Variants in SAR1A observed in about 807,000 individuals in gnomAD.
SAR1A encodes small COPII coat GTPase SAR1A.
Under a neutral mutation model 22.6 loss-of-function variants are expected in SAR1A, and 6 were observed. The ratio of observed to expected loss-of-function variants is 0.27; its 90% CI spans 0.15 to 0.52. The LOEUF (loss-of-function observed/expected upper bound fraction) is 0.52. Ranked by LOEUF, SAR1A falls within the 20% of genes least tolerant of loss-of-function variation. The pLI, the probability that SAR1A is intolerant of heterozygous loss-of-function variation, is 0.96. For synonymous variants in SAR1A, 70 were observed against 82.2 expected (o/e 0.85, Z 0.80); for missense variants, 145 against 245.1 (o/e 0.59, Z 2.73).
chr10:70,161,544 C>G (rs1344192871), intron 3 of SAR1A, 75 bp downstream of exon 3: 1 of 1,549,760 alleles, frequency 6.5e-7, no homozygotes, highest in South Asian at 1.2e-5. Context: ...AGAACTCCAC[C>G]AACTAGGGAT....
At position 70,147,568 on chromosome 10, in the gene SAR1A, A is replaced by T. The variant is rs904602582; in HGVS notation, c.*4908T>A. The T allele has an allele frequency of 3.9e-5, 6 of 152,242 alleles. No homozygotes were observed. Among genetic ancestry groups the T allele is most frequent in the African/African-American group, 1.2e-4 (5 of 41,464 alleles). 9.4% of individuals were successfully genotyped at this position (152,242 alleles called of 1,614,324 possible). ...TTCATACAATTTTTTGTGTCCAAAAATAGCATTCTTTAAATATTTTTTCCA... is the reference window on the plus strand; with the variant it reads ...TTCATACAATTTTTTGTGTCCAAAATTAGCATTCTTTAAATATTTTTTCCA... On this transcript the variant is annotated 3_prime_UTR_variant, in exon 7 of 7. Transcript: ENST00000373241.
chr10:70,148,711 G>A lies in SAR1A; in HGVS notation c.*3765C>T, dbSNP rs1354673544. ...AGGCTGAGATGGGAGGATCACTTAAGCCCAGGAGGTCAAGGCTGCAGTGAC... is the reference window on the plus strand; with the variant it reads ...AGGCTGAGATGGGAGGATCACTTAAACCCAGGAGGTCAAGGCTGCAGTGAC... On this transcript the variant is annotated 3_prime_UTR_variant, in exon 7 of 7. Coordinates refer to ENST00000373241, the MANE Select transcript of SAR1A (RefSeq NM_020150.5). The A allele has an allele frequency of 6.6e-6, 1 of 152,212 alleles. No homozygotes were observed. Among genetic ancestry groups the A allele is most frequent in the Non-Finnish European group, 1.5e-5 (1 of 68,150 alleles). 9.4% of individuals were successfully genotyped at this position (152,212 alleles called of 1,614,324 possible).
chr10:70,168,698 T>C (rs1029896870), intron 1 of SAR1A, among the ~76,000 whole-genome samples: 3 of 152,180 alleles, frequency 2.0e-5, no homozygotes, highest in African/African-American at 4.8e-5. Flanking sequence ...TATAGAAGTG[T>C]TGGGTTGTAA....
rs540269883 is a variant in SAR1A at position 70,150,437 on chromosome 10, A to G, written c.*2039T>C. 49 of 152,324 alleles carry G rather than the reference A, an allele frequency of 3.2e-4. No individual in the cohort carries two copies. Among genetic ancestry groups the G allele is most frequent in the African/African-American group, 1.1e-3 (47 of 41,580 alleles). The allele number at this position is 152,324 out of a possible 1,614,324, so 9.4% of individuals were successfully genotyped here. On this transcript the variant is annotated 3_prime_UTR_variant, in exon 7 of 7. Transcript: ENST00000373241. ...TAGTGTTCCGTGGGGCAAGAAATACATTGGTTCTAACTGATTTTCAATCCC... is the reference window on the plus strand; with the variant it reads ...TAGTGTTCCGTGGGGCAAGAAATACGTTGGTTCTAACTGATTTTCAATCCC...
rs1439228895 is a variant in SAR1A at position 70,170,413 on chromosome 10, GGCCTGAGGGGCTCCTCCGGCAAAACA to G, written c.-43_-18del. 2 of 149,624 alleles carry G rather than the reference GGCCTGAGGGGCTCCTCCGGCAAAACA, an allele frequency of 1.3e-5. No homozygotes were observed. Among genetic ancestry groups the G allele is most frequent in the East Asian group, 4.0e-4 (2 of 5,030 alleles). 9.3% of individuals were successfully genotyped at this position (149,624 alleles called of 1,614,324 possible). On this transcript the variant is annotated splice_region_variant and 5_prime_UTR_variant, in exon 1 of 7. Transcript: ENST00000373241. ...TCCCCGACGCGACCCTCAGACTCAC[GGCCTGAGGGGCTCCTCCGGCAAAACA>G]GCGGCTGGCTCGGACCCTCCCTCAG... is the stretch of plus-strand genomic sequence containing the variant.
chr10:70,163,703 G>C, intron 1 of SAR1A: 1 of 786,364 alleles, frequency 1.3e-6, no homozygotes, highest in South Asian at 1.4e-5. Context: ...CCAACTGACT[G>C]AGGAGCAGAT....
At chr10:70,169,354 C>G (rs924761588) in intron 1 of SAR1A, among the ~76,000 whole-genome samples, 1 of 151,984 alleles carries the variant, frequency 6.6e-6, no homozygotes, top group Non-Finnish European at 1.5e-5. Context: ...CTCATCACAT[C>G]TTTTGAATGG....
chr10:70,155,084 T>A (rs766621620), intron 5 of SAR1A: 4 of 527,400 alleles, frequency 7.6e-6, no homozygotes, highest in Non-Finnish European at 1.6e-5. Context: ...AAGAGATGAC[T>A]CACATTAGGG....
rs1375130500 is a variant in SAR1A, at chr10:70,147,954, C to T, written c.*4522G>A. The T allele has an allele frequency of 1.3e-5, 2 of 152,272 alleles. No homozygotes were observed. Among genetic ancestry groups the T allele is most frequent in the African/African-American group, 2.4e-5 (1 of 41,470 alleles). The allele number at this position is 152,272 out of a possible 1,614,324, so 9.4% of individuals were successfully genotyped here. ...AGTGCAATGGTGCGATCTCCGCTCA[C>T]TGCAAACTCCGCCTCCTGGGTTCAC... On this transcript the variant is annotated 3_prime_UTR_variant, in exon 7 of 7. Coordinates refer to ENST00000373241, the MANE Select transcript of SAR1A (RefSeq NM_020150.5).
At chr10:70,165,157 T>C (rs2136721504) in intron 1 of SAR1A, among the ~76,000 whole-genome samples, 1 of 146,286 alleles carries the variant, frequency 6.8e-6, no homozygotes, top group East Asian at 2.0e-4. Context: ...CCCAGCTACT[T>C]GGGAGGCTGA....
chr10:70,156,737 T>C lies in SAR1A; in HGVS notation c.348+1027A>G, dbSNP rs1261921703. 5.3e-5 allele frequency among the ~76,000 whole-genome samples: 8 copies of C among 149,876 alleles called. No individual in the cohort carries two copies. In the South Asian group the frequency reaches 6.3e-4, roughly 12 times the overall value. On this transcript the variant is annotated intron_variant, in intron 5 of 6. Transcript: ENST00000373241. ...GCAATTCTACATGAGGCTGGAGCTA[T>C]AGATGTGAGAAACATACTTAGAAAT...
In SAR1A at chr10:70,150,094, A is replaced by C. The variant is rs1038324489; in HGVS notation, c.*2382T>G. 5 of 151,694 alleles carry C rather than the reference A, an allele frequency of 3.3e-5. No homozygotes were observed. Among genetic ancestry groups the C allele is most frequent in the Admixed American group, 3.3e-4 (5 of 15,210 alleles). 9.4% of individuals were successfully genotyped at this position (151,694 alleles called of 1,614,324 possible). A position where few individuals can be genotyped will look rare whatever the true frequency, so the allele number is the denominator to read the frequency against. The stretch of plus-strand genomic sequence containing the variant: ...TTCAAGTATCTCACACGCACCCTAA[A>C]TGTCTCTTCCTCTATGCAGGGAACT... On this transcript the variant is annotated 3_prime_UTR_variant, in exon 7 of 7. Coordinates refer to ENST00000373241, the MANE Select transcript of SAR1A (RefSeq NM_020150.5).
At chr10:70,164,893 T>C (rs956701857) in intron 1 of SAR1A, among the ~76,000 whole-genome samples, 5 of 152,240 alleles carry the variant, frequency 3.3e-5, no homozygotes, top group African/African-American at 9.6e-5. Context: ...TGGTCACCCA[T>C]GGGCTTTGAT....
intron 4 of SAR1A, among the ~76,000 whole-genome samples, chr10:70,158,988 G>A (rs900015792): frequency 2.6e-5 from 4 of 152,048 alleles, no homozygotes; most frequent in East Asian, 1.9e-4. Flanking sequence ...ACCATCTGGC[G>A]TCTGGTCCTT....
Position 70,152,832 on chromosome 10 carries a change from C to T in SAR1A, c.481-240G>A, listed in dbSNP as rs541960997. Among the ~76,000 whole-genome samples, 10 of 152,162 alleles carry T rather than the reference C, an allele frequency of 6.6e-5. No homozygotes were observed. The South Asian group carries it at 2.1e-3, about 32-fold the overall frequency. On this transcript the variant is annotated intron_variant, in intron 6 of 6. Transcript: ENST00000373241. Reference sequence around the variant, plus strand: ...TCTGAAGAGCATTTGCTTTGAACACCCAATATTTATCTGTAAAGTTATGGC... The same window carrying T: ...TCTGAAGAGCATTTGCTTTGAACACTCAATATTTATCTGTAAAGTTATGGC...
At chr10:70,161,553 A>G in intron 3 of SAR1A, 66 bp downstream of exon 3, 5 of 1,561,354 alleles carry the variant, frequency 3.2e-6, no homozygotes, top group Non-Finnish European at 4.4e-6. Context: ...CCAACTAGGG[A>G]TTCATCCTCC....
intron 4 of SAR1A, among the ~76,000 whole-genome samples, chr10:70,160,507 G>A (rs1056393274): frequency 2.0e-5 from 3 of 152,178 alleles, no homozygotes; most frequent in African/African-American, 7.2e-5. Context: ...AAAAGGTATA[G>A]AAGAAAATAT....
At chr10:70,161,818 C>T in intron 2 of SAR1A, 40 bp downstream of exon 2, 1 of 1,613,118 alleles carries the variant, frequency 6.2e-7, no homozygotes, top group South Asian at 1.1e-5. Context: ...GAGGGAAAGG[C>T]ACAAACTTTG....
intron 3 of SAR1A, chr10:70,161,273 C>T: frequency 1.8e-6 from 1 of 555,040 alleles, no homozygotes; most frequent in Non-Finnish European, 3.2e-6. Context: ...GAGACCAGCC[C>T]AGGCAACGCC....
Sources: allele counts gnomAD v4.1 joint callset (sites outside exome capture counted in the v4.1 genomes callset), GRCh38; gene constraint gnomAD v4.1.1; transcripts MANE v1.5; gene names NCBI Gene and HGNC (gene_info 2026-07-23, HGNC 2026-07-21).